PLXNB1: variants seen among roughly 807,000 people sequenced by gnomAD.
PLXNB1 encodes plexin-B1.
In PLXNB1, 106 loss-of-function variants were observed where a neutral mutation model predicts 209.4. The observed-to-expected ratio is 0.51, with a 90% CI of 0.43 to 0.59. PLXNB1 has a LOEUF of 0.59. Ranked by LOEUF, PLXNB1 falls within the 20% of genes least tolerant of loss-of-function variation. The pLI, the probability that PLXNB1 is intolerant of heterozygous loss-of-function variation, is 0.00. For missense variants in PLXNB1, 2,357 were observed against 2,853.2 expected (o/e 0.83, Z 3.96); for synonymous variants, 1,167 against 1,183.2 (o/e 0.99, Z 0.28).
Position 48,409,331 on chromosome 3 carries a change from G to T in PLXNB1, c.6085C>A (p.Arg2029=), listed in dbSNP as rs376360565. 14 of 1,613,944 alleles carry T rather than the reference G, an allele frequency of 8.7e-6. No homozygotes were observed. In the African/African-American group the frequency reaches 1.5e-4, roughly 17 times the overall value. The part of the protein sequence containing the change: ...ACTLADHKLG[R]DSPINKLLYA... ...GTGTCCATCCCAGACTCGCTCACCC[G>T]GCCCAGCTTGTGGTCGGCCAGGGTG... The change falls in exon 34 of 38, where the codon CGG becomes AGG. Residue 2029 remains arginine (R), a splice_region_variant and synonymous_variant. Coordinates refer to ENST00000296440, the MANE Select transcript of PLXNB1 (RefSeq NM_001130082.3). The surrounding 1 kb of genome is among the most constrained non-coding windows in gnomAD (Gnocchi z 5.8).
At position 48,422,382 on chromosome 3, in the gene PLXNB1, G is replaced by T. The variant is rs758163181; in HGVS notation, c.1368C>A (p.Asp456Glu). ...GCTCAAAGGTCCCATCAAAGGTGAG[G>T]TCTCTGCTCACTGCAGACCCCTGCT... ...SIQQGSAVSR[D>E]LTFDGTFEHL... The change falls in exon 5 of 38, where the codon GAC (aspartate) becomes GAA (glutamate). Residue 456 changes from aspartate (D) to glutamate (E), a missense_variant. Physicochemically the swap from Asp to Glu is conservative, Grantham distance 45. Coordinates refer to ENST00000296440, the MANE Select transcript of PLXNB1 (RefSeq NM_001130082.3). The T allele has an allele frequency of 6.2e-7, 1 of 1,608,496 alleles. No individual in the cohort carries two copies. The highest frequency in any genetic ancestry group is 1.7e-5 in the Admixed American group (1 of 59,202).
rs938277233 is a variant in PLXNB1 at position 48,404,259 on chromosome 3, G to A, written c.*227C>T. 1.5e-5 allele frequency: 8 copies of A among 528,976 alleles called. No homozygotes were observed. Among genetic ancestry groups the A allele is most frequent in the East Asian group, 3.1e-5 (1 of 32,250 alleles). The allele number at this position is 528,976 out of a possible 1,614,324, so 32.8% of individuals were successfully genotyped here. A position where few individuals can be genotyped will look rare whatever the true frequency, so the allele number is the denominator to read the frequency against. On this transcript the variant is annotated 3_prime_UTR_variant, in exon 38 of 38. Coordinates refer to ENST00000296440, the MANE Select transcript of PLXNB1 (RefSeq NM_001130082.3). ...CCCTGCAGACCGGTGTCACAGGGTCGCTGGACTCGGGGAGCAGGCTGGGTA... is the reference window on the plus strand; with the variant it reads ...CCCTGCAGACCGGTGTCACAGGGTCACTGGACTCGGGGAGCAGGCTGGGTA...
In PLXNB1 at chr3:48,429,810, G is replaced by T. The variant is rs2039100525; in HGVS notation, c.-60+198C>A. Among the ~76,000 whole-genome samples, 1 of 151,938 alleles carries T rather than the reference G, an allele frequency of 6.6e-6. No homozygotes were observed. The highest frequency in any genetic ancestry group is 6.5e-5 in the Admixed American group (1 of 15,280). Reference sequence around the variant, plus strand: ...TTTCCTGGTTGCCAGGAGCCGAGGCGGGGGGTCGCGCTCCGCACCCGCAGG... The same window carrying T: ...TTTCCTGGTTGCCAGGAGCCGAGGCTGGGGGTCGCGCTCCGCACCCGCAGG... On this transcript the variant is annotated intron_variant, in intron 1 of 37. Transcript: ENST00000296440. This position sits in a 1 kb window ranked among gnomAD's most constrained non-coding sequence, Gnocchi z 6.4.
chr3:48,417,937 A>T lies in PLXNB1; in HGVS notation c.3348T>A (p.Asp1116Glu), dbSNP rs2038207611. The change falls in exon 16 of 38, where the codon GAT becomes GAA. Residue 1116 changes from aspartate (D) to glutamate (E), a missense_variant. Coordinates refer to ENST00000296440, the MANE Select transcript of PLXNB1 (RefSeq NM_001130082.3). The surrounding 1 kb of genome is among the most constrained non-coding windows in gnomAD (Gnocchi z 4.4). ...VTVAGVPCAV[D>E]AQEYEVSSSL... ...TGCTGGAGACCTCGTACTCCTGGGC[A>T]TCCACAGCACAGGGCACTCCAGCCA... 1.2e-6 allele frequency: 2 copies of T among 1,612,294 alleles called. No individual in the cohort carries two copies. The highest frequency in any genetic ancestry group is 1.7e-5 in the Admixed American group (1 of 59,982).
chr3:48,421,447 A>G, intron 7 of PLXNB1, 63 bp from the exon 8 acceptor site: 6 of 1,483,154 alleles, frequency 4.0e-6, no homozygotes, highest in Non-Finnish European at 5.4e-6. Context: ...GCTCACATTT[A>G]TGGGACACCC....
chr3:48,412,592 G>A lies in PLXNB1; in HGVS notation c.4883C>T (p.Thr1628Ile). ...GTAGGCACGGTCCCGAGCTGAAAAG[G>A]TGCGCTGGCTCTCCAGCGTGTGGAT... ...KFIHTLESQR[T>I]FSARDRAYVA... Residue 1628 changes from threonine to isoleucine, a missense_variant, in exon 26 of 38, where the codon ACC (threonine) becomes ATC (isoleucine). Physicochemically the swap from Thr to Ile is moderately conservative, Grantham distance 89. Around this residue, in one of 7 missense-constraint regions of PLXNB1, gnomAD observed 743 missense variants for 896.2 expected, o/e 0.83. Transcript: ENST00000296440. 6.2e-7 allele frequency: 1 copy of A among 1,613,592 alleles called. No individual in the cohort carries two copies. The highest frequency in any genetic ancestry group is 8.5e-7 in the Non-Finnish European group (1 of 1,180,034).
chr3:48,410,143 G>A lies in PLXNB1; in HGVS notation c.5606-66C>T. ...CACCTCCCCAGGCCCCCTGTTTCTT[G>A]CCAGCTCTCCCAGGGGTGGGGGCAC... On this transcript the variant is annotated intron_variant, in intron 31 of 37. Transcript: ENST00000296440. This position sits in a 1 kb window ranked among gnomAD's most constrained non-coding sequence, Gnocchi z 6.4. 1 of 1,509,966 alleles carries A rather than the reference G, an allele frequency of 6.6e-7. No homozygotes were observed. The highest frequency in any genetic ancestry group is 8.9e-7 in the Non-Finnish European group (1 of 1,120,788). The allele number at this position is 1,509,966 out of a possible 1,614,324, so 93.5% of individuals were successfully genotyped here. A position where few individuals can be genotyped will look rare whatever the true frequency, so the allele number is the denominator to read the frequency against.
In PLXNB1 at chr3:48,429,715, C is replaced by T. The variant is rs911293118; in HGVS notation, c.-60+293G>A. Among the ~76,000 whole-genome samples, 1 of 152,018 alleles carries T rather than the reference C, an allele frequency of 6.6e-6. No individual in the cohort carries two copies. The highest frequency in any genetic ancestry group is 2.4e-5 in the African/African-American group (1 of 41,390). On this transcript the variant is annotated intron_variant, in intron 1 of 37. Coordinates refer to ENST00000296440, the MANE Select transcript of PLXNB1 (RefSeq NM_001130082.3). This position sits in a 1 kb window ranked among gnomAD's most constrained non-coding sequence, Gnocchi z 6.4. ...GTCGCCCGGAGGGGTGAGGAGTGAA[C>T]CCCGGGAGCCAGAGCCGCCCCGCCC... is the stretch of plus-strand genomic sequence containing the variant.
At position 48,413,703 on chromosome 3, in the gene PLXNB1, G is replaced by C; in HGVS notation, c.4502C>G (p.Ala1501Gly). 6.2e-7 allele frequency: 1 copy of C among 1,613,586 alleles called. No individual in the cohort carries two copies. Among genetic ancestry groups the C allele is most frequent in the Non-Finnish European group, 8.5e-7 (1 of 1,179,966 alleles). ...VGLGVGTSLL[A>G]LGVIIIVLMY... is the part of the protein sequence containing the mutation. ...GAGGACAATGATGATGACACCCAGA[G>C]CCAGAAGAGAGGTGCCCACCCCCAA... is the stretch of plus-strand genomic sequence containing the variant. The change falls in exon 23 of 38, where the codon GCT (alanine) becomes GGT (glycine). Residue 1501 changes from alanine (A) to glycine (G), a missense_variant. Physicochemically the swap from Ala to Gly is moderately conservative, Grantham distance 60. Coordinates refer to ENST00000296440, the MANE Select transcript of PLXNB1 (RefSeq NM_001130082.3). This position sits in a 1 kb window ranked among gnomAD's most constrained non-coding sequence, Gnocchi z 5.4.
At position 48,429,692 on chromosome 3, in the gene PLXNB1, C is replaced by G. The variant is rs565916813; in HGVS notation, c.-60+316G>C. 8.9e-4 allele frequency among the ~76,000 whole-genome samples: 135 copies of G among 152,162 alleles called. 2 individuals are homozygous for G. In the East Asian group the frequency reaches 0.024, roughly 27 times the overall value. On this transcript the variant is annotated intron_variant, in intron 1 of 37. Transcript: ENST00000296440. This position sits in a 1 kb window ranked among gnomAD's most constrained non-coding sequence, Gnocchi z 6.4. ...CGGCGGTCGCCATGGCAACGCGGGT[C>G]GCCCGGAGGGGTGAGGAGTGAACCC...
At chr3:48,421,081 G>A (rs1437269996) in intron 8 of PLXNB1, 125 bp from the exon 9 acceptor site, 2 of 1,265,476 alleles carry the variant, frequency 1.6e-6, no homozygotes, top group Non-Finnish European at 2.3e-6. Context: ...CAAGGGCACA[G>A]AATGGAGGCT....
chr3:48,415,421 G>A lies in PLXNB1; in HGVS notation c.3795-74C>T. On this transcript the variant is annotated intron_variant, in intron 19 of 37. Coordinates refer to ENST00000296440, the MANE Select transcript of PLXNB1 (RefSeq NM_001130082.3). The surrounding 1 kb of genome is among the most constrained non-coding windows in gnomAD (Gnocchi z 5.0). ...GGACCTAAAGCACAGCCCAGTCCCGGCTAGGTCAGCTCAGCCCCAGCCCCA... is the reference window on the plus strand; with the variant it reads ...GGACCTAAAGCACAGCCCAGTCCCGACTAGGTCAGCTCAGCCCCAGCCCCA... 6.6e-7 allele frequency: 1 copy of A among 1,512,550 alleles called. No individual in the cohort carries two copies. Among genetic ancestry groups the A allele is most frequent in the Non-Finnish European group, 9.0e-7 (1 of 1,111,448 alleles). The allele number at this position is 1,512,550 out of a possible 1,614,324, so 93.7% of individuals were successfully genotyped here. A position where few individuals can be genotyped will look rare whatever the true frequency, so the allele number is the denominator to read the frequency against.
In PLXNB1 at chr3:48,405,874, G is replaced by C; in HGVS notation, c.6229-76C>G. 8.6e-7 allele frequency: 1 copy of C among 1,167,034 alleles called. No individual in the cohort carries two copies. The allele number at this position is 1,167,034 out of a possible 1,614,324, so 72.3% of individuals were successfully genotyped here. On this transcript the variant is annotated intron_variant, in intron 36 of 37. Coordinates refer to ENST00000296440, the MANE Select transcript of PLXNB1 (RefSeq NM_001130082.3). The surrounding 1 kb of genome is among the most constrained non-coding windows in gnomAD (Gnocchi z 5.0). ...CACAGGAGGCAGCCCAGGACCCCAG[G>C]GAAGGGCTGGGGGAGAAGGGGACCT... is the stretch of plus-strand genomic sequence containing the variant.
In PLXNB1 at chr3:48,413,680, G is replaced by A. The variant is rs1347274402; in HGVS notation, c.4525C>T (p.Leu1509Phe). The A allele has an allele frequency of 6.2e-7, 1 of 1,612,914 alleles. No individual in the cohort carries two copies. Among genetic ancestry groups the A allele is most frequent in the Admixed American group, 1.7e-5 (1 of 59,914 alleles). Residue 1509 changes from leucine (L) to phenylalanine (F), a missense_variant, in exon 23 of 38, where the codon CTC becomes TTC. By Grantham distance (22) the Leu-to-Phe change is conservative. Transcript: ENST00000296440. The surrounding 1 kb of genome is among the most constrained non-coding windows in gnomAD (Gnocchi z 5.4). ...TCTGGCTGCACCCACCTGTACATGAGGACAATGATGATGACACCCAGAGCC... is the reference window on the plus strand; with the variant it reads ...TCTGGCTGCACCCACCTGTACATGAAGACAATGATGATGACACCCAGAGCC... ...LLALGVIIIV[L>F]MYRRKSKQAL...
chr3:48,421,472 C>T, intron 7 of PLXNB1, 88 bp from the exon 8 acceptor site: 1 of 1,415,762 alleles, frequency 7.1e-7, no homozygotes, highest in South Asian at 1.4e-5. Context: ...TGGGCAGGCA[C>T]CAGCAATCAA....
chr3:48,413,276 C>A lies in PLXNB1; in HGVS notation c.4536-107G>T. The stretch of plus-strand genomic sequence containing the variant: ...CGGCCTCATCCAGCACAGTCCAATG[C>A]AGCCATGCCAGCCAAGCTCAAGCCT... On this transcript the variant is annotated intron_variant, in intron 23 of 37. Coordinates refer to ENST00000296440, the MANE Select transcript of PLXNB1 (RefSeq NM_001130082.3). The surrounding 1 kb of genome is among the most constrained non-coding windows in gnomAD (Gnocchi z 5.4). 1 of 842,840 alleles carries A rather than the reference C, an allele frequency of 1.2e-6. No homozygotes were observed. Among genetic ancestry groups the A allele is most frequent in the South Asian group, 1.5e-5 (1 of 68,316 alleles). 52.2% of individuals were successfully genotyped at this position (842,840 alleles called of 1,614,324 possible).
Position 48,422,813 on chromosome 3 carries a change from A to G in PLXNB1, c.1242T>C (p.Asp414=). 6.2e-7 allele frequency: 1 copy of G among 1,614,104 alleles called. No homozygotes were observed. Among genetic ancestry groups the G allele is most frequent in the Non-Finnish European group, 8.5e-7 (1 of 1,179,988 alleles). ...CACCCAGGAAAGCGATGGTGTGTCCATCTTCCATGGTGACTGCCACAGCTG... is the reference window on the plus strand; with the variant it reads ...CACCCAGGAAAGCGATGGTGTGTCCGTCTTCCATGGTGACTGCCACAGCTG... The part of the protein sequence containing the change: ...QLTAVAVTME[D]GHTIAFLGDS... The change falls in exon 4 of 38, where the codon GAT becomes GAC. Residue 414 remains aspartate (D), a synonymous_variant. Transcript: ENST00000296440.
At chr3:48,412,174 G>T in intron 27 of PLXNB1, 64 bp downstream of exon 27, 1 of 1,558,556 alleles carries the variant, frequency 6.4e-7, no homozygotes. Flanking sequence ...GTGGCTGAGG[G>T]CTTAGAAGTT....
At chr3:48,428,818 C>G (rs959380139) in intron 1 of PLXNB1, among the ~76,000 whole-genome samples, 2 of 152,042 alleles carry the variant, frequency 1.3e-5, no homozygotes, top group South Asian at 2.1e-4. Context: ...GGGTCCCCCC[C>G]ACCCGCCCGG....
Sources: allele counts gnomAD v4.1 joint callset (sites outside exome capture counted in the v4.1 genomes callset), GRCh38; gene constraint gnomAD v4.1.1; regional missense constraint gnomAD v4.1.1; non-coding constraint Gnocchi (gnomAD v3.1); transcripts MANE v1.5; gene names NCBI Gene and HGNC (gene_info 2026-07-23, HGNC 2026-07-21).